Variants in RELN observed in about 807,000 individuals in gnomAD.
RELN encodes the protein reelin.
A neutral mutation model predicts 427.6 loss-of-function variants in RELN; 108 were observed. The observed-to-expected ratio is 0.25, with a 90% CI of 0.22 to 0.30. RELN has a LOEUF of 0.30. RELN is among the 10% of genes least tolerant of loss of function. The pLI is 1.00. For synonymous variants in RELN, 1,524 were observed against 1,513.4 expected, an observed-to-expected ratio of 1.01 and a Z score of -0.16; for missense variants, 3,715 against 4,302.8, an observed-to-expected ratio of 0.86 and a Z score of 3.82.
chr7:103,829,221 C>T (rs549871034), intron 3 of RELN, among the ~76,000 whole-genome samples: 20 of 151,846 alleles, frequency 1.3e-4, no homozygotes, highest in African/African-American at 4.8e-4. Flanking sequence ...ATTTTACAAC[C>T]CCCTTTCCCT....
At chr7:103,978,769 A>G (rs1452453961) in intron 1 of RELN, among the ~76,000 whole-genome samples, 1 of 152,196 alleles carries the variant, frequency 6.6e-6, no homozygotes, top group African/African-American at 2.4e-5. Context: ...ATATTTCGGA[A>G]TTGACATGTC....
chr7:103,511,548 AGATATAACT>A (rs1172693005), intron 50 of RELN, among the ~76,000 whole-genome samples: 2 of 152,160 alleles, frequency 1.3e-5, no homozygotes, highest in African/African-American at 2.4e-5. Context: ...AGCTTTATCA[AGATATAACT>A]GATATACAAA....
intron 6 of RELN, among the ~76,000 whole-genome samples, chr7:103,744,687 C>A (rs1175552121): frequency 2.0e-5 from 3 of 152,180 alleles, no homozygotes; most frequent in Non-Finnish European, 4.4e-5. Context: ...AATTCCTCAA[C>A]ACATACATCC....
chr7:103,823,205 T>G (rs1004959764), intron 3 of RELN, among the ~76,000 whole-genome samples: 1 of 150,704 alleles, frequency 6.6e-6, no homozygotes, highest in Non-Finnish European at 1.5e-5. Flanking sequence ...ATCTCTGTAC[T>G]TTCAATGTTT....
At position 103,635,455 on chromosome 7, in the gene RELN, T is replaced by C; in HGVS notation, c.2435A>G (p.His812Arg). ...DNGITWKLLE[H>R]YSYLSYHEPR... Reference sequence around the variant, plus strand: ...CTCATGATAGCTGAGATATGAATAATGCTCCAGGAGTTTCCAAGTTATCCC... The same window carrying C: ...CTCATGATAGCTGAGATATGAATAACGCTCCAGGAGTTTCCAAGTTATCCC... Residue 812 changes from histidine (H) to arginine (R), a missense_variant, in exon 19 of 65, where the codon CAT becomes CGT. By Grantham distance (29) the His-to-Arg change is conservative (BLOSUM62 0). This residue lies in a region of RELN where 2,208 missense variants were observed against 2,361.7 expected (regional missense o/e 0.93). Transcript: ENST00000428762. The C allele has an allele frequency of 1.2e-6, 2 of 1,614,046 alleles. No homozygotes were observed. Among genetic ancestry groups the C allele is most frequent in the Non-Finnish European group, 1.7e-6 (2 of 1,179,938 alleles).
chr7:103,739,081 A>C (rs1242158849), intron 6 of RELN, among the ~76,000 whole-genome samples: 1 of 152,196 alleles, frequency 6.6e-6, no homozygotes, highest in Non-Finnish European at 1.5e-5. Flanking sequence ...ATAGTATTCA[A>C]TTGTGTGCAC....
chr7:103,620,511 C>T lies in RELN; in HGVS notation c.2703-8708G>A, dbSNP rs1196850632. 2.0e-5 allele frequency among the ~76,000 whole-genome samples: 3 copies of T among 149,020 alleles called. No homozygotes were observed. The highest frequency in any genetic ancestry group is 4.2e-4 in the South Asian group (2 of 4,726). ...TTTTTTGAGATAGAGTCTCGTCTGT[C>T]GCCCAGGCTGGAGTAACAGTGGCAC... On this transcript the variant is annotated intron_variant, in intron 20 of 64. Transcript: ENST00000428762. The surrounding 1 kb of genome is among the most constrained non-coding windows in gnomAD (Gnocchi z 4.1).
At chr7:103,736,710 T>C (rs545678267) in intron 6 of RELN, among the ~76,000 whole-genome samples, 1 of 152,330 alleles carries the variant, frequency 6.6e-6, no homozygotes, top group Admixed American at 6.5e-5. Context: ...CTTGAAGAAA[T>C]ATTTTCTTAC....
chr7:103,633,288 G>A (rs1309502729), intron 19 of RELN, among the ~76,000 whole-genome samples: 1 of 152,080 alleles, frequency 6.6e-6, no homozygotes, highest in East Asian at 1.9e-4. Context: ...AGGAAATATA[G>A]CAAATAGCTA....
chr7:103,909,957 T>C (rs1290821758), intron 2 of RELN, among the ~76,000 whole-genome samples: 1 of 143,378 alleles, frequency 7.0e-6, no homozygotes, highest in African/African-American at 2.6e-5. Flanking sequence ...AGAAAGTCAT[T>C]GGTAGCTTGA....
intron 46 of RELN, among the ~76,000 whole-genome samples, chr7:103,528,080 A>G (rs1829863576): frequency 6.6e-6 from 1 of 152,226 alleles, no homozygotes; most frequent in South Asian, 2.1e-4. Flanking sequence ...AAGAAAAGTG[A>G]AAACATACAT....
intron 5 of RELN, among the ~76,000 whole-genome samples, chr7:103,750,407 T>A (rs191618787): frequency 2.2e-4 from 33 of 152,328 alleles, no homozygotes; most frequent in Admixed American, 5.9e-4. Context: ...TTCCCAGCTA[T>A]GCTGAATTGT....
At chr7:103,934,036 T>G (rs1015205351) in intron 1 of RELN, among the ~76,000 whole-genome samples, 2 of 152,134 alleles carry the variant, frequency 1.3e-5, no homozygotes, top group African/African-American at 4.8e-5. Flanking sequence ...GTTCTTTAAG[T>G]GTTCTCAATA....
At chr7:103,781,994 C>A (rs1298673415) in intron 3 of RELN, among the ~76,000 whole-genome samples, 1 of 151,960 alleles carries the variant, frequency 6.6e-6, no homozygotes. Flanking sequence ...GGAAAGTAGA[C>A]CAAGTTTCTT....
Position 103,989,177 on chromosome 7 carries a change from A to C in RELN, c.180T>G (p.His60Gln). ...CGTAGTAGGTGGGGTTGCCCGCAAT[A>C]TGCAGGGAAATGAGCACCTCGCCCT... is the stretch of plus-strand genomic sequence containing the variant. ...GEQGEVLISL[H>Q]IAGNPTYYVP... The change falls in exon 1 of 65, where the codon CAT (histidine) becomes CAG (glutamine). Residue 60 changes from histidine to glutamine, a missense_variant. Physicochemically the swap from His to Gln is conservative, Grantham distance 24. Coordinates refer to ENST00000428762, the MANE Select transcript of RELN (RefSeq NM_005045.4). This position sits in a 1 kb window ranked among gnomAD's most constrained non-coding sequence, Gnocchi z 4.9. 1.2e-6 allele frequency: 2 copies of C among 1,614,052 alleles called. No individual in the cohort carries two copies. Among genetic ancestry groups the C allele is most frequent in the Non-Finnish European group, 1.7e-6 (2 of 1,179,980 alleles).
chr7:103,570,322 G>A (rs1410173223), intron 31 of RELN, among the ~76,000 whole-genome samples: 1 of 152,112 alleles, frequency 6.6e-6, no homozygotes, highest in Non-Finnish European at 1.5e-5. Context: ...ACACAAATAA[G>A]GGTATGGATT....
intron 24 of RELN, among the ~76,000 whole-genome samples, chr7:103,600,416 C>T (rs1831638210): frequency 6.6e-6 from 1 of 152,178 alleles, no homozygotes; most frequent in African/African-American, 2.4e-5. Flanking sequence ...GGAGTCTTCC[C>T]TGTTTTTTCC....
intron 11 of RELN, among the ~76,000 whole-genome samples, chr7:103,665,241 G>C (rs1477277493): frequency 6.6e-6 from 1 of 151,866 alleles, no homozygotes; most frequent in African/African-American, 2.4e-5. Flanking sequence ...CCCTATAAAC[G>C]TGAGTCTGTT....
intron 28 of RELN, among the ~76,000 whole-genome samples, chr7:103,588,351 G>T (rs998822852): frequency 6.6e-6 from 1 of 152,112 alleles, no homozygotes; most frequent in Non-Finnish European, 1.5e-5. Context: ...CATGGAGATA[G>T]AGACTGGAAA....
Sources: gnomAD v4.1 joint callset for allele counts (sites outside exome capture counted in the v4.1 genomes callset) on GRCh38, gnomAD v4.1.1 for gene constraint, gnomAD v4.1.1 regional missense constraint, Gnocchi (gnomAD v3.1) non-coding constraint, MANE v1.5 for transcripts, NCBI Gene and HGNC (gene_info 2026-07-23, HGNC 2026-07-21) for gene names.